SLIT1: variants seen among roughly 807,000 people sequenced by gnomAD.
SLIT1 encodes slit homolog 1 protein.
A neutral mutation model predicts 186.1 loss-of-function variants in SLIT1; 66 were observed. That is an observed-to-expected ratio of 0.35 (90% confidence interval 0.29 to 0.44). SLIT1 has a LOEUF of 0.44. Ranked by LOEUF, SLIT1 falls within the 20% of genes least tolerant of loss-of-function variation. The pLI is 1.00. For missense variants in SLIT1, 1,638 were observed against 2,037.4 expected (o/e 0.80, Z 3.77); for synonymous variants, 761 against 833.8 (o/e 0.91, Z 1.50).
chr10:97,064,468 G>A (rs1171543996), intron 6 of SLIT1, among the ~76,000 whole-genome samples: 3 of 152,204 alleles, frequency 2.0e-5, no homozygotes, highest in Non-Finnish European at 4.4e-5. Flanking sequence ...AGGCTGGTAG[G>A]ATAGGGAGAT....
At chr10:97,070,321 G>C (rs1042130472) in intron 4 of SLIT1, among the ~76,000 whole-genome samples, 11 of 152,218 alleles carry the variant, frequency 7.2e-5, no homozygotes, top group Non-Finnish European at 1.0e-4. Flanking sequence ...AGGAAGGGAG[G>C]GGCATGCTTA....
intron 1 of SLIT1, among the ~76,000 whole-genome samples, chr10:97,168,811 A>G (rs1221776053): frequency 6.6e-6 from 1 of 152,188 alleles, no homozygotes; most frequent in African/African-American, 2.4e-5. Context: ...ATGGCAACTA[A>G]AGCAATTGAC....
At chr10:97,003,591 A>G (rs1211418263) in intron 34 of SLIT1, among the ~76,000 whole-genome samples, 3 of 152,138 alleles carry the variant, frequency 2.0e-5, no homozygotes, top group Non-Finnish European at 2.9e-5. Context: ...CAGCCTGCTC[A>G]TCAATACCGA....
At chr10:97,126,886 C>T (rs1279306501) in intron 4 of SLIT1, among the ~76,000 whole-genome samples, 1 of 152,222 alleles carries the variant, frequency 6.6e-6, no homozygotes, top group African/African-American at 2.4e-5. Context: ...CTGTGACCCT[C>T]GCCTGGCACT....
intron 20 of SLIT1, among the ~76,000 whole-genome samples, chr10:97,042,431 C>A (rs1848698107): frequency 6.6e-6 from 1 of 151,972 alleles, no homozygotes; most frequent in Non-Finnish European, 1.5e-5. Context: ...CTGAGAAGTC[C>A]CAGGAAACAA....
intron 1 of SLIT1, among the ~76,000 whole-genome samples, chr10:97,170,370 C>T (rs1312998121): frequency 6.6e-6 from 1 of 152,246 alleles, no homozygotes; most frequent in Non-Finnish European, 1.5e-5. Context: ...ATGCCCGGCA[C>T]ACAATTCGTG....
intron 27 of SLIT1, 121 bp downstream of exon 27, chr10:97,018,854 TATGTTAAG>T: frequency 3.0e-6 from 2 of 658,336 alleles, no homozygotes; most frequent in Non-Finnish European, 5.4e-6. Context: ...CATTCATTCA[TATGTTAAG>T]TCATTAATTA....
Position 97,018,614 on chromosome 10 carries a change from C to T in SLIT1, c.2941G>A (p.Ala981Thr), listed in dbSNP as rs1428908556. The T allele has an allele frequency of 6.3e-7, 1 of 1,594,058 alleles. No homozygotes were observed. The highest frequency in any genetic ancestry group is 1.7e-4 in the Middle Eastern group (1 of 6,032). The change falls in exon 28 of 37, where the codon GCA (alanine) becomes ACA (threonine). Residue 981 changes from alanine (A) to threonine (T), a missense_variant. Coordinates refer to ENST00000266058, the MANE Select transcript of SLIT1 (RefSeq NM_003061.3). The stretch of plus-strand genomic sequence containing the variant: ...AACGGGGCATCCTCGCCCTCCTGTG[C>T]ATGGCAGGTGCCCCCATTTTCACAG... ...GPCENGGTCH[A>T]QEGEDAPFTC... is the part of the protein sequence containing the mutation.
chr10:97,067,763 G>A (rs971634445), intron 4 of SLIT1, among the ~76,000 whole-genome samples: 17 of 152,150 alleles, frequency 1.1e-4, no homozygotes, highest in Non-Finnish European at 1.9e-4. Flanking sequence ...AACAACCAGC[G>A]GCAGACCGTC....
At chr10:97,034,580 C>A in intron 22 of SLIT1, 38 bp from the exon 23 acceptor site, 1 of 1,558,172 alleles carries the variant, frequency 6.4e-7, no homozygotes, top group South Asian at 1.1e-5. Flanking sequence ...AGAAAGAACT[C>A]ACTCAGCCCT....
chr10:97,028,764 G>C (rs1848567523), intron 25 of SLIT1, among the ~76,000 whole-genome samples: 2 of 152,200 alleles, frequency 1.3e-5, no homozygotes, highest in Admixed American at 6.5e-5. Context: ...AGTCACTCTG[G>C]TTACCCAGGA....
chr10:97,163,708 C>T (rs1850063648), intron 2 of SLIT1, among the ~76,000 whole-genome samples: 1 of 152,214 alleles, frequency 6.6e-6, no homozygotes, highest in African/African-American at 2.4e-5. Context: ...GCACTTGCAA[C>T]CCCCTGACCC....
intron 4 of SLIT1, among the ~76,000 whole-genome samples, chr10:97,099,320 G>A (rs1849325498): frequency 6.6e-6 from 1 of 152,172 alleles, no homozygotes; most frequent in African/African-American, 2.4e-5. Flanking sequence ...GGCAGCACAG[G>A]CACCACCGCA....
Position 97,064,141 on chromosome 10 carries a change from C to G in SLIT1, c.629+27G>C, listed in dbSNP as rs377348387. The stretch of plus-strand genomic sequence containing the variant: ...TGGCATCAACCGGGCTTGGCTGCCC[C>G]GCTCCCAGCTGCCCCGGCTGACTCA... On this transcript the variant is annotated intron_variant, in intron 7 of 36. Coordinates refer to ENST00000266058, the MANE Select transcript of SLIT1 (RefSeq NM_003061.3). 5.6e-5 allele frequency: 90 copies of G among 1,595,464 alleles called. No homozygotes were observed. In the African/African-American group the frequency reaches 1.0e-3, roughly 18 times the overall value.
At chr10:97,117,722 GA>G (rs1338170269) in intron 4 of SLIT1, among the ~76,000 whole-genome samples, 1 of 152,174 alleles carries the variant, frequency 6.6e-6, no homozygotes, top group Non-Finnish European at 1.5e-5. Flanking sequence ...CAACTATTTT[GA>G]AAAATCAGTG....
chr10:97,178,725 T>C (rs937351201), intron 1 of SLIT1, among the ~76,000 whole-genome samples: 1 of 151,996 alleles, frequency 6.6e-6, no homozygotes, highest in East Asian at 1.9e-4. Flanking sequence ...TCCAAGCTAT[T>C]CTTAAAAGGT....
chr10:97,148,560 G>A (rs944600627), intron 4 of SLIT1, among the ~76,000 whole-genome samples: 1 of 152,144 alleles, frequency 6.6e-6, no homozygotes, highest in Non-Finnish European at 1.5e-5. Flanking sequence ...GATTATAAGC[G>A]TGAGCCACCA....
intron 4 of SLIT1, among the ~76,000 whole-genome samples, chr10:97,089,645 G>A (rs1186339489): frequency 3.3e-5 from 5 of 152,160 alleles, no homozygotes; most frequent in Non-Finnish European, 4.4e-5. Flanking sequence ...GTGAGGCGGT[G>A]GAAGGTGTCC....
At chr10:97,142,062 C>A (rs954770081) in intron 4 of SLIT1, among the ~76,000 whole-genome samples, 2 of 152,122 alleles carry the variant, frequency 1.3e-5, no homozygotes, top group African/African-American at 4.8e-5. Flanking sequence ...GTGGGCCTCC[C>A]AAAGTGCTGG....
Sources: gnomAD v4.1 joint callset for allele counts (sites outside exome capture counted in the v4.1 genomes callset) on GRCh38, gnomAD v4.1.1 for gene constraint, MANE v1.5 for transcripts, NCBI Gene and HGNC (gene_info 2026-07-23, HGNC 2026-07-21) for gene names.